CHST15: variants seen among roughly 807,000 people sequenced by gnomAD.
CHST15 encodes B cell RAG associated protein (GALNAC4S-6ST).
A neutral mutation model predicts 53.6 loss-of-function variants in CHST15; 30 were observed. The ratio of observed to expected loss-of-function variants is 0.56; its 90% CI spans 0.42 to 0.76. The LOEUF (loss-of-function observed/expected upper bound fraction) is 0.76. CHST15 is among the 30% of genes least tolerant of loss of function. The probability of loss-of-function intolerance (pLI) is 0.00; values close to 1 mark genes in which losing one functional copy is unlikely to be tolerated. For synonymous variants in CHST15, 296 were observed against 289.8 expected (o/e 1.02, Z -0.22); for missense variants, 627 against 740.5 (o/e 0.85, Z 1.78).
At chr10:124,092,094 G>A (rs935515104) in intron 1 of CHST15, among the ~76,000 whole-genome samples, 1 of 152,216 alleles carries the variant, frequency 6.6e-6, no homozygotes, top group Non-Finnish European at 1.5e-5. Context: ...TTTCCCAAAG[G>A]CAAGGTTCCC....
At chr10:124,044,134 G>A (rs1427576401) in intron 3 of CHST15, among the ~76,000 whole-genome samples, 1 of 141,972 alleles carries the variant, frequency 7.0e-6, no homozygotes, top group East Asian at 3.1e-4. Context: ...ACAGAGCAGA[G>A]GACCGGCACA....
At chr10:124,075,075 T>C (rs1695870035) in intron 1 of CHST15, among the ~76,000 whole-genome samples, 1 of 152,270 alleles carries the variant, frequency 6.6e-6, no homozygotes, top group Non-Finnish European at 1.5e-5. Context: ...CATCAGGTAA[T>C]ACAAATACTG....
At position 124,044,758 on chromosome 10, in the gene CHST15, G is replaced by T; in HGVS notation, c.708C>A (p.Phe236Leu). 5.6e-6 allele frequency: 9 copies of T among 1,613,088 alleles called. No homozygotes were observed. Among genetic ancestry groups the T allele is most frequent in the Non-Finnish European group, 6.8e-6 (8 of 1,179,602 alleles). Residue 236 changes from phenylalanine to leucine, a missense_variant, in exon 3 of 8, where the codon TTC becomes TTA. This residue lies in a region of CHST15 where 161 missense variants were observed against 117.2 expected (regional missense o/e 1.37). Coordinates refer to ENST00000435907, the MANE Select transcript of CHST15 (RefSeq NM_001270764.2). ...RSTFDALRKA[F>L]WGHLAHAHGK... is the part of the protein sequence containing the mutation. ...CGTGCGCGTGCGCCAGGTGGCCCCAGAAGGCCTTGCGCAGGGCGTCGAAGG... is the reference window on the plus strand; with the variant it reads ...CGTGCGCGTGCGCCAGGTGGCCCCATAAGGCCTTGCGCAGGGCGTCGAAGG...
At chr10:124,092,684 GGA>G (rs141259505) in intron 1 of CHST15, among the ~76,000 whole-genome samples, 2,696 of 152,282 alleles carry the variant, frequency 0.018, 91 homozygotes, top group African/African-American at 0.061. Flanking sequence ...TCGCAACCGG[GGA>G]GAGAGTGGCG....
intron 1 of CHST15, among the ~76,000 whole-genome samples, chr10:124,053,380 G>A (rs1948267967): frequency 6.6e-6 from 1 of 152,188 alleles, no homozygotes; most frequent in Non-Finnish European, 1.5e-5. Context: ...CCAGGAGGAG[G>A]GGGAGACAGG....
Position 124,034,782 on chromosome 10 carries a change from AGGGACGCCGGCTCCGCCCCTAACG to A in CHST15, c.1190+3709_1190+3732del, listed in dbSNP as rs1369816377. On this transcript the variant is annotated intron_variant, in intron 5 of 7. Coordinates refer to ENST00000435907, the MANE Select transcript of CHST15 (RefSeq NM_001270764.2). ...AGGGACGCCGGCTCCACCCCCTAAC[AGGGACGCCGGCTCCGCCCCTAACG>A]GGGACCCCGGCTCCGCCCCCTAACG... 4.5e-3 allele frequency among the ~76,000 whole-genome samples: 495 copies of A among 110,636 alleles called. 19 individuals carry two copies. The highest frequency in any genetic ancestry group is 0.018 in the African/African-American group (460 of 26,284). 72.6% of individuals were successfully genotyped at this position (110,636 alleles called of 152,430 possible).
intron 1 of CHST15, among the ~76,000 whole-genome samples, chr10:124,073,440 C>G (rs1024887234): frequency 6.6e-6 from 1 of 152,188 alleles, no homozygotes; most frequent in Non-Finnish European, 1.5e-5. Context: ...CAGAACAGAG[C>G]CCAGGGGTCC....
chr10:124,034,928 C>T (rs1233268212), intron 5 of CHST15, among the ~76,000 whole-genome samples: 3 of 139,830 alleles, frequency 2.1e-5, no homozygotes, highest in Non-Finnish European at 4.6e-5. Flanking sequence ...CATCCCCTAA[C>T]AGGGACCCTG....
At chr10:124,053,925 CAACA>C (rs1481262879) in intron 1 of CHST15, among the ~76,000 whole-genome samples, 2 of 151,966 alleles carry the variant, frequency 1.3e-5, no homozygotes, top group Admixed American at 6.6e-5. Flanking sequence ...TCTCAAAAAC[CAACA>C]AACAAACAAA....
At chr10:124,047,965 C>A (rs1948061822) in intron 1 of CHST15, among the ~76,000 whole-genome samples, 1 of 152,200 alleles carries the variant, frequency 6.6e-6, no homozygotes, top group African/African-American at 2.4e-5. Flanking sequence ...CTCACTGTCT[C>A]CATAGAGGCA....
At chr10:124,061,800 G>A (rs947559533) in intron 1 of CHST15, among the ~76,000 whole-genome samples, 3 of 152,104 alleles carry the variant, frequency 2.0e-5, no homozygotes, top group Non-Finnish European at 4.4e-5. Flanking sequence ...TTTATCTGTT[G>A]AAAATGCATG....
intron 5 of CHST15, among the ~76,000 whole-genome samples, chr10:124,038,142 T>G (rs994057638): frequency 1.3e-5 from 2 of 151,482 alleles, no homozygotes; most frequent in Admixed American, 1.3e-4. Flanking sequence ...AGTCTCACTC[T>G]GACACCCAGG....
intron 1 of CHST15, among the ~76,000 whole-genome samples, chr10:124,081,460 A>G (rs887878505): frequency 1.2e-4 from 18 of 152,210 alleles, no homozygotes; most frequent in Non-Finnish European, 1.8e-4. Context: ...ATGTAGGACC[A>G]AAGTATGTGC....
In CHST15 at chr10:124,007,669, T is replaced by TGGATGCAGAGGAAGAGCAC. The variant is rs1946307145; in HGVS notation, c.*2479_*2480insGTGCTCTTCCTCTGCATCC. 8.2e-7 allele frequency: 1 copy of TGGATGCAGAGGAAGAGCAC among 1,214,046 alleles called. No individual in the cohort carries two copies. Among genetic ancestry groups the TGGATGCAGAGGAAGAGCAC allele is most frequent in the Admixed American group, 4.3e-5 (1 of 23,094 alleles). The allele number at this position is 1,214,046 out of a possible 1,614,324, so 75.2% of individuals were successfully genotyped here. ...ATTCACTCATGCACCAGGAAGAGCT[T>TGGATGCAGAGGAAGAGCAC]GGCTGCAGAGGAAGAGCACGCGCTC... On this transcript the variant is annotated 3_prime_UTR_variant, in exon 8 of 8. Coordinates refer to ENST00000435907, the MANE Select transcript of CHST15 (RefSeq NM_001270764.2).
chr10:124,051,732 C>T (rs1460389512), intron 1 of CHST15, among the ~76,000 whole-genome samples: 2 of 152,168 alleles, frequency 1.3e-5, no homozygotes, highest in African/African-American at 4.8e-5. Flanking sequence ...GTTCAATTAC[C>T]CAGCCCTTGC....
At chr10:124,080,127 G>A (rs1443544064) in intron 1 of CHST15, among the ~76,000 whole-genome samples, 2 of 152,208 alleles carry the variant, frequency 1.3e-5, no homozygotes, top group South Asian at 2.1e-4. Flanking sequence ...GCAGGCCAGC[G>A]AGCATCGGAC....
chr10:124,049,808 C>T (rs1471584710), intron 1 of CHST15, among the ~76,000 whole-genome samples: 1 of 152,208 alleles, frequency 6.6e-6, no homozygotes. Flanking sequence ...GGTTGTGGGA[C>T]ACTCTTGCCT....
intron 6 of CHST15, 156 bp downstream of exon 6, chr10:124,021,100 A>G (rs1946761533): frequency 7.4e-6 from 11 of 1,486,758 alleles, no homozygotes; most frequent in African/African-American, 1.4e-5. Context: ...CAGCTTTTAC[A>G]TCCATGAATA....
chr10:124,010,283 G>C lies in CHST15; in HGVS notation c.1552C>G (p.Arg518Gly). ...CCCAGGTTCCGGTCCTCGGGACGCCGTGCATTGGATGCGGGGCTCTTGGTC... is the reference window on the plus strand; with the variant it reads ...CCCAGGTTCCGGTCCTCGGGACGCCCTGCATTGGATGCGGGGCTCTTGGTC... ...LMTKSPASNA[R>G]RPEDRNLGPM... The change falls in exon 8 of 8, where the codon CGG becomes GGG. Residue 518 changes from arginine (R) to glycine (G), a missense_variant. Arg to Gly is a moderately radical substitution (Grantham distance 125). Transcript: ENST00000435907. The C allele has an allele frequency of 6.2e-7, 1 of 1,613,290 alleles. No individual in the cohort carries two copies. The highest frequency in any genetic ancestry group is 8.5e-7 in the Non-Finnish European group (1 of 1,179,558).
Sources: gnomAD v4.1 joint callset for allele counts (sites outside exome capture counted in the v4.1 genomes callset) on GRCh38, gnomAD v4.1.1 for gene constraint, gnomAD v4.1.1 regional missense constraint, MANE v1.5 for transcripts, NCBI Gene and HGNC (gene_info 2026-07-23, HGNC 2026-07-21) for gene names.